Variants in KCNAB1 observed in about 807,000 individuals in gnomAD.
KCNAB1 encodes the protein voltage-gated potassium channel subunit beta-1.
A neutral mutation model predicts 64.6 loss-of-function variants in KCNAB1; 35 were observed. That is an observed-to-expected ratio of 0.54 (90% CI 0.41 to 0.72). The LOEUF (loss-of-function observed/expected upper bound fraction) is 0.72. KCNAB1 is among the 30% of genes least tolerant of loss of function. The pLI, the probability that KCNAB1 is intolerant of heterozygous loss-of-function variation, is 0.00. For missense variants in KCNAB1, 401 were observed against 512.9 expected (o/e 0.78, Z 2.11); for synonymous variants, 177 against 183.8 (o/e 0.96, Z 0.30).
At chr3:156,164,785 C>A (rs948295763) in intron 1 of KCNAB1, among the ~76,000 whole-genome samples, 1 of 152,090 alleles carries the variant, frequency 6.6e-6, no homozygotes, top group East Asian at 1.9e-4. Context: ...TCTTTTTATA[C>A]CACTCTGCTT....
At chr3:156,287,583 G>A (rs748826410) in intron 1 of KCNAB1, among the ~76,000 whole-genome samples, 12 of 151,998 alleles carry the variant, frequency 7.9e-5, no homozygotes, top group African/African-American at 9.7e-5. Context: ...TATAATCCCC[G>A]TACTGTGGGA....
chr3:156,371,497 T>G (rs1314943095), intron 1 of KCNAB1, among the ~76,000 whole-genome samples: 1 of 152,226 alleles, frequency 6.6e-6, no homozygotes, highest in Non-Finnish European at 1.5e-5. Flanking sequence ...TTGTCTTGAC[T>G]GCTGATATCG....
At chr3:156,321,549 T>A (rs1336083918) in intron 1 of KCNAB1, among the ~76,000 whole-genome samples, 2 of 152,244 alleles carry the variant, frequency 1.3e-5, no homozygotes, top group Non-Finnish European at 2.9e-5. Context: ...CTGCTTTATA[T>A]CCTTTTTCCC....
intron 1 of KCNAB1, among the ~76,000 whole-genome samples, chr3:156,378,693 C>A (rs146082179): frequency 6.6e-6 from 1 of 152,138 alleles, no homozygotes; most frequent in African/African-American, 2.4e-5. Flanking sequence ...TTCTGGATGG[C>A]GGGCTTCATG....
intron 10 of KCNAB1, among the ~76,000 whole-genome samples, 176 bp downstream of exon 10, chr3:156,515,396 G>C (rs955585286): frequency 1.3e-5 from 2 of 152,094 alleles, no homozygotes; most frequent in African/African-American, 4.8e-5. Flanking sequence ...AGCAGAATCT[G>C]CATTTAGTCT....
chr3:156,168,862 T>G (rs1233760303), intron 1 of KCNAB1, among the ~76,000 whole-genome samples: 1 of 152,226 alleles, frequency 6.6e-6, no homozygotes, highest in Non-Finnish European at 1.5e-5. Context: ...ATCAGTTTCT[T>G]AGTCATCCAG....
chr3:156,295,904 C>A (rs1215212603), intron 1 of KCNAB1, among the ~76,000 whole-genome samples: 1 of 152,110 alleles, frequency 6.6e-6, no homozygotes, highest in African/African-American at 2.4e-5. Flanking sequence ...ATATACAATA[C>A]GTTATTGTTA....
rs151070822 is a variant in KCNAB1, at chr3:156,407,453, T to TC, written c.276-14159dup. Among the ~76,000 whole-genome samples the TC allele has an allele frequency of 3.3e-3, 503 of 152,324 alleles. 1 individual carries two copies. Among genetic ancestry groups the TC allele is most frequent in the African/African-American group, 0.012 (480 of 41,572 alleles). ...GTGTTTACTTGTTTATCATGGGTCT[T>TC]CCCCACTAGGATGTAAGCCTCATGA... On this transcript the variant is annotated intron_variant, in intron 1 of 13. Coordinates refer to ENST00000490337, the MANE Select transcript of KCNAB1 (RefSeq NM_172160.3).
intron 1 of KCNAB1, among the ~76,000 whole-genome samples, chr3:156,211,351 G>A (rs1421454065): frequency 6.6e-6 from 1 of 152,152 alleles, no homozygotes; most frequent in East Asian, 1.9e-4. Context: ...ATAATTATCT[G>A]CAATGGTTAA....
At chr3:156,260,174 T>C (rs934870368) in intron 1 of KCNAB1, among the ~76,000 whole-genome samples, 1 of 152,182 alleles carries the variant, frequency 6.6e-6, no homozygotes, top group African/African-American at 2.4e-5. Context: ...CTCCAACCTT[T>C]GCTTCTGACG....
chr3:156,221,093 A>G (rs1325153390), intron 1 of KCNAB1, among the ~76,000 whole-genome samples: 2 of 152,206 alleles, frequency 1.3e-5, no homozygotes, highest in Admixed American at 1.3e-4. Context: ...TTTTGGTACC[A>G]GTACCATGCT....
intron 1 of KCNAB1, among the ~76,000 whole-genome samples, chr3:156,373,917 A>G (rs556216478): frequency 1.2e-4 from 19 of 152,206 alleles, no homozygotes; most frequent in African/African-American, 2.2e-4. Flanking sequence ...TGGCTCCCCA[A>G]CTGTGTCTGT....
chr3:156,243,475 G>C (rs533653124), intron 1 of KCNAB1, among the ~76,000 whole-genome samples: 1 of 152,276 alleles, frequency 6.6e-6, no homozygotes, highest in Admixed American at 6.5e-5. Context: ...TGATCCGCTT[G>C]CCTTGGCCTC....
intron 1 of KCNAB1, among the ~76,000 whole-genome samples, chr3:156,288,178 A>C (rs1720200494): frequency 1.3e-5 from 2 of 151,992 alleles, no homozygotes; most frequent in South Asian, 4.2e-4. Flanking sequence ...CTGTGTCCTA[A>C]TCTCCTCCTT....
chr3:156,144,728 G>A (rs1714937711), intron 1 of KCNAB1, among the ~76,000 whole-genome samples: 1 of 152,158 alleles, frequency 6.6e-6, no homozygotes. Context: ...GGGCGAAGGG[G>A]AAGATGGACC....
intron 1 of KCNAB1, among the ~76,000 whole-genome samples, chr3:156,286,199 C>T (rs1179260449): frequency 6.6e-6 from 1 of 152,194 alleles, no homozygotes; most frequent in African/African-American, 2.4e-5. Context: ...ATGCTGTGCT[C>T]ATGCAAATGT....
Position 156,120,811 on chromosome 3 carries a change from A to G in KCNAB1, c.200A>G (p.Glu67Gly). 6.2e-7 allele frequency: 1 copy of G among 1,614,222 alleles called. No individual in the cohort carries two copies. Among genetic ancestry groups the G allele is most frequent in the South Asian group, 1.1e-5 (1 of 91,086 alleles). ...ARQLALLREV[E>G]MNWYLKLCDL... is the part of the protein sequence containing the mutation. ...CAACTGGCTCTGCTGCGCGAAGTGG[A>G]GATGAACTGGTACCTAAAGCTCTGC... is the stretch of plus-strand genomic sequence containing the variant. Residue 67 changes from glutamate to glycine, a missense_variant, in exon 1 of 14, where the codon GAG (glutamate) becomes GGG (glycine). Transcript: ENST00000490337.
chr3:156,385,620 G>C (rs541011871), intron 1 of KCNAB1, among the ~76,000 whole-genome samples: 40 of 152,214 alleles, frequency 2.6e-4, no homozygotes, highest in African/African-American at 8.7e-4. Context: ...TATACTAAGA[G>C]AAACTTTTGT....
intron 1 of KCNAB1, among the ~76,000 whole-genome samples, chr3:156,274,018 G>A (rs191376446): frequency 4.7e-4 from 71 of 152,178 alleles, no homozygotes; most frequent in African/African-American, 1.6e-3. Context: ...CCCTTACCAA[G>A]GTATAGAATT....
Sources: allele counts gnomAD v4.1 joint callset (sites outside exome capture counted in the v4.1 genomes callset), GRCh38; gene constraint gnomAD v4.1.1; transcripts MANE v1.5; gene names NCBI Gene and HGNC (gene_info 2026-07-23, HGNC 2026-07-21).